Variants in PHACTR1 observed in about 807,000 individuals in gnomAD.
The protein encoded by PHACTR1 is RPEL repeat containing 1.
PHACTR1 carries 16 observed loss-of-function variants against 69.2 expected under a neutral mutation model. That is an observed-to-expected ratio of 0.23 (90% CI 0.16 to 0.35). The LOEUF (loss-of-function observed/expected upper bound fraction) is 0.35, where lower values mean the gene tolerates loss of function less well. PHACTR1 is among the 10% of genes least tolerant of loss of function. PHACTR1 has a pLI of 1.00. For synonymous variants in PHACTR1, 312 were observed against 284.5 expected, an observed-to-expected ratio of 1.10 and a Z score of -0.97; for missense variants, 510 against 734.7, an observed-to-expected ratio of 0.69 and a Z score of 3.54.
chr6:13,157,687 C>T (rs920078243), intron 5 of PHACTR1, among the ~76,000 whole-genome samples: 1 of 152,256 alleles, frequency 6.6e-6, no homozygotes, highest in Admixed American at 6.5e-5. Context: ...ACCTAGGAAA[C>T]CTCATTTTGT....
At chr6:13,106,743 A>G (rs1816209150) in intron 5 of PHACTR1, among the ~76,000 whole-genome samples, 1 of 152,150 alleles carries the variant, frequency 6.6e-6, no homozygotes. Flanking sequence ...TTTAGAAATC[A>G]TGAATGGATG....
chr6:12,946,121 A>G lies in PHACTR1; in HGVS notation c.251-107244A>G, dbSNP rs368634978. ...TCACAAGACCAGTATTCTGAGGAGC[A>G]TATATTGGGAAATGCCACAAAAGAT... On this transcript the variant is annotated intron_variant, in intron 4 of 14. Transcript: ENST00000332995. Among the ~76,000 whole-genome samples, 6 of 151,932 alleles carry G rather than the reference A, an allele frequency of 3.9e-5. No homozygotes were observed. In the East Asian group the frequency reaches 7.7e-4, roughly 20 times the overall value.
At chr6:12,822,536 G>A (rs149077995) in intron 4 of PHACTR1, among the ~76,000 whole-genome samples, 148 of 152,306 alleles carry the variant, frequency 9.7e-4, no homozygotes, top group Middle Eastern at 6.8e-3. Flanking sequence ...AACCACAGCC[G>A]GGTCCTAAAA....
intron 7 of PHACTR1, among the ~76,000 whole-genome samples, chr6:13,190,332 G>A (rs1763398515): frequency 6.6e-6 from 1 of 151,670 alleles, no homozygotes; most frequent in African/African-American, 2.4e-5. Context: ...ACCAAGCCCG[G>A]CTTGATGTCT....
At chr6:12,777,356 T>C (rs1160714908) in intron 4 of PHACTR1, among the ~76,000 whole-genome samples, 1 of 151,914 alleles carries the variant, frequency 6.6e-6, no homozygotes, top group Non-Finnish European at 1.5e-5. Context: ...GTAATAAGTG[T>C]AGTACCCAAT....
intron 4 of PHACTR1, among the ~76,000 whole-genome samples, chr6:12,903,283 G>A (rs1785390470): frequency 1.3e-5 from 2 of 152,158 alleles, no homozygotes; most frequent in Admixed American, 6.5e-5. Context: ...GCAACTGTGT[G>A]GTAAAGGGTG....
At chr6:13,229,626 C>T (rs184311834) in intron 9 of PHACTR1, among the ~76,000 whole-genome samples, 6 of 152,314 alleles carry the variant, frequency 3.9e-5, no homozygotes, top group African/African-American at 1.4e-4. Flanking sequence ...GACACAGATC[C>T]CCGCCCACCT....
intron 8 of PHACTR1, among the ~76,000 whole-genome samples, chr6:13,213,780 A>G (rs1767244547): frequency 6.6e-6 from 1 of 152,174 alleles, no homozygotes; most frequent in Admixed American, 6.5e-5. Context: ...CAGACAGCCA[A>G]ACCTGCCAGC....
chr6:12,929,334 T>C (rs1405017039), intron 4 of PHACTR1, among the ~76,000 whole-genome samples: 1 of 152,112 alleles, frequency 6.6e-6, no homozygotes, highest in Non-Finnish European at 1.5e-5. Context: ...AGAGCGTTTA[T>C]CTAGTAAGTC....
At chr6:12,890,781 G>T (rs931717831) in intron 4 of PHACTR1, among the ~76,000 whole-genome samples, 1 of 152,092 alleles carries the variant, frequency 6.6e-6, no homozygotes, top group Non-Finnish European at 1.5e-5. Context: ...CACACTTCTG[G>T]TCCTTCCAAC....
intron 4 of PHACTR1, among the ~76,000 whole-genome samples, chr6:12,784,321 C>G (rs1041076685): frequency 6.6e-6 from 1 of 151,528 alleles, no homozygotes; most frequent in African/African-American, 2.4e-5. Flanking sequence ...TCTATACACA[C>G]ATATACATGA....
chr6:12,942,384 C>T (rs1181503945), intron 4 of PHACTR1, among the ~76,000 whole-genome samples: 1 of 152,128 alleles, frequency 6.6e-6, no homozygotes, highest in Non-Finnish European at 1.5e-5. Context: ...TGATATACTA[C>T]ACTTTTGAAA....
At chr6:13,165,771 G>GGTC (rs146652373) in intron 6 of PHACTR1, among the ~76,000 whole-genome samples, 18,963 of 152,084 alleles carry the variant, frequency 0.12, 1,503 homozygotes, top group East Asian at 0.24. Flanking sequence ...TCTGAAACCT[G>GGTC]GTCCTACTAC....
intron 10 of PHACTR1, among the ~76,000 whole-genome samples, chr6:13,243,244 CT>C (rs58107564): frequency 0.08 from 10,826 of 136,146 alleles, 1,047 homozygotes; most frequent in African/African-American, 0.24. Context: ...TGTCAGACCA[CT>C]TTTTTTTTTT....
At chr6:13,268,740 C>G (rs1777173754) in intron 10 of PHACTR1, among the ~76,000 whole-genome samples, 1 of 152,206 alleles carries the variant, frequency 6.6e-6, no homozygotes, top group Non-Finnish European at 1.5e-5. Flanking sequence ...GCCACCATAT[C>G]ATTTTCCTCC....
intron 4 of PHACTR1, among the ~76,000 whole-genome samples, chr6:12,878,993 C>T (rs1782813378): frequency 6.6e-6 from 1 of 152,148 alleles, no homozygotes; most frequent in African/African-American, 2.4e-5. Context: ...ATTGAAAAGG[C>T]ACGTGGAGCA....
intron 10 of PHACTR1, among the ~76,000 whole-genome samples, chr6:13,259,293 C>T (rs982862332): frequency 1.3e-5 from 2 of 152,186 alleles, no homozygotes; most frequent in African/African-American, 4.8e-5. Flanking sequence ...TGCAGGCTCT[C>T]AACCGTCTCA....
At chr6:13,032,799 G>A (rs1034080963) in intron 4 of PHACTR1, among the ~76,000 whole-genome samples, 1 of 151,972 alleles carries the variant, frequency 6.6e-6, no homozygotes, top group African/African-American at 2.4e-5. Flanking sequence ...TATAGAGACA[G>A]GGTCTCACCA....
At chr6:13,112,199 G>A (rs1817155816) in intron 5 of PHACTR1, among the ~76,000 whole-genome samples, 1 of 152,174 alleles carries the variant, frequency 6.6e-6, no homozygotes, top group South Asian at 2.1e-4. Context: ...TCCTGCAAAA[G>A]ACATGATCTC....
Sources: allele counts gnomAD v4.1 joint callset (sites outside exome capture counted in the v4.1 genomes callset), GRCh38; gene constraint gnomAD v4.1.1; transcripts MANE v1.5; gene names NCBI Gene and HGNC (gene_info 2026-07-23, HGNC 2026-07-21).